Variants in ZNF233 observed in about 807,000 individuals in gnomAD.
ZNF233 encodes the protein zinc finger protein 233.
Under a neutral mutation model 11.6 loss-of-function variants are expected in ZNF233, and 7 were observed. That is an observed-to-expected ratio of 0.60 (90% CI 0.34 to 1.13). The LOEUF is 1.13. Among genes scored for constraint, ZNF233 ranks in the 50% most tolerant of loss-of-function variants. The pLI is 0.03. For synonymous variants in ZNF233, 226 were observed against 268.5 expected (o/e 0.84, Z 1.55); for missense variants, 711 against 785.5 (o/e 0.91, Z 1.13).
chr19:44,271,831 G>C (rs1265641650), intron 4 of ZNF233, among the ~76,000 whole-genome samples: 4 of 151,976 alleles, frequency 2.6e-5, no homozygotes, highest in Non-Finnish European at 5.9e-5. Context: ...ATTTTTAAGT[G>C]ATTATTCTTA....
chr19:44,268,189 A>AT (rs1975144666), intron 4 of ZNF233: 1 of 144,120 alleles, frequency 6.9e-6, no homozygotes, highest in African/African-American at 2.9e-5. Flanking sequence ...CATACATTTA[A>AT]TTAAATTAAA....
intron 1 of ZNF233, among the ~76,000 whole-genome samples, chr19:44,262,902 T>C (rs73553253): frequency 0.013 from 1,941 of 152,208 alleles, 48 homozygotes; most frequent in African/African-American, 0.044. Flanking sequence ...CCTTCTCTGA[T>C]CTCTAAGACA....
chr19:44,273,989 G>C lies in ZNF233; in HGVS notation c.1329G>C (p.Gln443His), dbSNP rs201847109. The change falls in exon 5 of 5, where the codon CAG becomes CAC. Residue 443 changes from glutamine to histidine, a missense_variant. Transcript: ENST00000683810. ...RIFNRNSGLH[Q>H]RVHTGEKPYK... The stretch of plus-strand genomic sequence containing the variant: ...TTAATAGGAATTCTGGTCTTCACCA[G>C]AGAGTTCACACTGGAGAGAAACCAT... 2.8e-5 allele frequency: 45 copies of C among 1,613,576 alleles called. No homozygotes were observed. In the East Asian group the frequency reaches 9.6e-4, roughly 34 times the overall value.
intron 4 of ZNF233, 135 bp from the exon 5 acceptor site, chr19:44,272,764 T>A (rs1358936360): frequency 1.6e-6 from 1 of 627,476 alleles, no homozygotes; most frequent in African/African-American, 1.9e-5. Context: ...AAAAAAACAA[T>A]GATAAAGTCA....
Position 44,273,843 on chromosome 19 carries a change from G to T in ZNF233, c.1183G>T (p.Glu395Ter). ...FDIHCVDSAG[E>*]RACKCDVYDK... The stretch of plus-strand genomic sequence containing the variant: ...CATTCACTGTGTAGACAGTGCTGGA[G>T]AGAGAGCCTGTAAATGTGATGTATA... The change falls in exon 5 of 5, where the codon GAG (glutamate) becomes TAG (stop). Residue 395 changes from glutamate (E) to a stop codon, truncating the protein, a stop_gained. Transcript: ENST00000683810. LOFTEE classifies it low-confidence loss of function (END_TRUNC). 1 of 1,614,214 alleles carries T rather than the reference G, an allele frequency of 6.2e-7. No homozygotes were observed. Among genetic ancestry groups the T allele is most frequent in the Non-Finnish European group, 8.5e-7 (1 of 1,180,046 alleles).
intron 2 of ZNF233, 116 bp downstream of exon 2, chr19:44,264,491 T>C: frequency 3.3e-6 from 3 of 911,158 alleles, no homozygotes; most frequent in Non-Finnish European, 4.9e-6. Flanking sequence ...ATTTGGAATC[T>C]GCTAGTTACT....
At chr19:44,266,461 G>C (rs889112298) in intron 3 of ZNF233, 137 bp downstream of exon 3, 12 of 1,174,048 alleles carry the variant, frequency 1.0e-5, no homozygotes, top group Non-Finnish European at 1.4e-5. Context: ...GGGACATCTT[G>C]TCTATACCTT....
At chr19:44,272,397 T>C (rs1044779509) in intron 4 of ZNF233, among the ~76,000 whole-genome samples, 4 of 151,494 alleles carry the variant, frequency 2.6e-5, no homozygotes, top group Non-Finnish European at 5.9e-5. Flanking sequence ...CATTAACATT[T>C]TGTATATAGA....
At chr19:44,259,983 C>A (rs1417827882) in intron 1 of ZNF233, 45 bp downstream of exon 1, 1 of 447,728 alleles carries the variant, frequency 2.2e-6, no homozygotes, top group Admixed American at 2.4e-5. Context: ...GCTTTCCTGG[C>A]CTGGGCGTTG....
chr19:44,272,227 CAAA>C (rs1226989331), intron 4 of ZNF233, among the ~76,000 whole-genome samples: 3 of 78,280 alleles, frequency 3.8e-5, no homozygotes, highest in African/African-American at 4.3e-5. Flanking sequence ...GACTCCATCT[CAAA>C]AAAAAAAAAA....
At position 44,270,764 on chromosome 19, in the gene ZNF233, G is replaced by A. The variant is rs147372009; in HGVS notation, c.239-2135G>A. On this transcript the variant is annotated intron_variant, in intron 4 of 4. Transcript: ENST00000683810. The stretch of plus-strand genomic sequence containing the variant: ...AGGAGGCCTCGCTTCCTTGCTAAGT[G>A]AACCATTCCCTACGGCTGCTGAAGT... Among the ~76,000 whole-genome samples the A allele has an allele frequency of 1.4e-3, 207 of 152,336 alleles. 1 individual carries two copies. The Middle Eastern group carries it at 0.017, about 13-fold the overall frequency.
At chr19:44,260,274 G>A (rs1056132212) in intron 1 of ZNF233, 1 of 160,936 alleles carries the variant, frequency 6.2e-6, no homozygotes, top group African/African-American at 2.4e-5. Flanking sequence ...TAACTGGTAG[G>A]GGTTTCGTGA....
intron 2 of ZNF233, among the ~76,000 whole-genome samples, chr19:44,265,099 CAGT>C (rs1187760077): frequency 1.3e-5 from 2 of 152,046 alleles, no homozygotes; most frequent in Non-Finnish European, 2.9e-5. Flanking sequence ...TCTTTCAAGT[CAGT>C]TCCTTACTCC....
In ZNF233 at chr19:44,273,502, TAA is replaced by T. The variant is rs1975301406; in HGVS notation, c.843_844del (p.Asp283GlnfsTer7). The stretch of plus-strand genomic sequence containing the variant: ...CTTGAACTTCACCAGCAACTACACT[TAA>T]GAGACAAGCCTCATGTAAATGTTGA... On this transcript the variant is annotated frameshift_variant, in exon 5 of 5. Coordinates refer to ENST00000683810, the MANE Select transcript of ZNF233 (RefSeq NM_001207005.2). LOFTEE classifies it low-confidence loss of function (END_TRUNC). 1 of 1,614,186 alleles carries T rather than the reference TAA, an allele frequency of 6.2e-7. No individual in the cohort carries two copies. The highest frequency in any genetic ancestry group is 2.2e-5 in the East Asian group (1 of 44,876).
intron 2 of ZNF233, among the ~76,000 whole-genome samples, chr19:44,265,403 ACACAC>A (rs1413706445): frequency 3.4e-5 from 5 of 145,306 alleles, no homozygotes; most frequent in Non-Finnish European, 7.5e-5. Context: ...ACACACACAC[ACACAC>A]ACCACGGTTT....
rs200379312 is a variant in ZNF233 at position 44,265,429 on chromosome 19, G to GT, written c.16-760dup. On this transcript the variant is annotated intron_variant, in intron 2 of 4. Coordinates refer to ENST00000683810, the MANE Select transcript of ZNF233 (RefSeq NM_001207005.2). ...CACACACCACGGTTTCTTTTCTTTT[G>GT]TTTTTTTTTGAGACGGAGTCTTGCA... 5.0e-3 allele frequency among the ~76,000 whole-genome samples: 710 copies of GT among 141,436 alleles called. 7 individuals carry two copies. The highest frequency in any genetic ancestry group is 0.017 in the African/African-American group (641 of 38,150). 92.8% of individuals were successfully genotyped at this position (141,436 alleles called of 152,430 possible).
chr19:44,267,734 G>A (rs376654315), intron 4 of ZNF233: 10 of 247,986 alleles, frequency 4.0e-5, no homozygotes, highest in African/African-American at 2.2e-4. Flanking sequence ...TGCCTGGGAT[G>A]TTCTTACCTC....
rs1183818343 is a variant in ZNF233 at position 44,274,940 on chromosome 19, T to TA, written c.*268dup. ...AGAAACCCTATAAAGAATGATACAA[T>TA]ATGTTTCAATCAGAACCTTCACATC... On this transcript the variant is annotated 3_prime_UTR_variant, in exon 5 of 5. Coordinates refer to ENST00000683810, the MANE Select transcript of ZNF233 (RefSeq NM_001207005.2). 1 of 438,740 alleles carries TA rather than the reference T, an allele frequency of 2.3e-6. No individual in the cohort carries two copies. Among genetic ancestry groups the TA allele is most frequent in the South Asian group, 7.4e-5 (1 of 13,478 alleles). The allele number at this position is 438,740 out of a possible 1,614,324, so 27.2% of individuals were successfully genotyped here.
rs1175603842 is a variant in ZNF233, at chr19:44,274,059, C to G, written c.1399C>G (p.Leu467Val). The G allele has an allele frequency of 6.3e-7, 1 of 1,597,746 alleles. No individual in the cohort carries two copies. Among genetic ancestry groups the G allele is most frequent in the Non-Finnish European group, 8.5e-7 (1 of 1,179,440 alleles). ...TAAGGGCTTCAGTAAGGCCTCAAAT[C>G]TTCAAGCCCATCAGAGAATCCACAC... ...CDKGFSKASN[L>V]QAHQRIHTGE... The change falls in exon 5 of 5, where the codon CTT becomes GTT. Residue 467 changes from leucine to valine, a missense_variant. By Grantham distance (32) the Leu-to-Val change is conservative (BLOSUM62 1). Transcript: ENST00000683810.
Sources: gnomAD v4.1 joint callset for allele counts (sites outside exome capture counted in the v4.1 genomes callset) on GRCh38, gnomAD v4.1.1 for gene constraint, MANE v1.5 for transcripts, NCBI Gene and HGNC (gene_info 2026-07-23, HGNC 2026-07-21) for gene names.